Variants in RSAD1 observed in about 807,000 individuals in gnomAD.
RSAD1 encodes the protein radical S-adenosyl methionine domain-containing protein 1, mitochondrial.
A neutral mutation model predicts 46.2 loss-of-function variants in RSAD1; 34 were observed. The observed-to-expected ratio is 0.74, with a 90% CI of 0.56 to 0.98. The LOEUF is 0.98. Among genes scored for constraint, RSAD1 ranks in the 50% least tolerant of loss-of-function variants. The pLI is 0.00. For synonymous variants in RSAD1, 260 were observed against 253.5 expected (o/e 1.03, Z -0.24); for missense variants, 635 against 592.3 (o/e 1.07, Z -0.75).
Position 50,479,779 on chromosome 17 carries a change from G to A in RSAD1, c.269+17G>A. 1 of 1,596,754 alleles carries A rather than the reference G, an allele frequency of 6.3e-7. No individual in the cohort carries two copies. The highest frequency in any genetic ancestry group is 1.3e-5 in the African/African-American group (1 of 74,736). ...GGTGCAACGGTGGGTAGTGGGGGCT[G>A]TAGGCAGCGTTTTGGGAAATATTTG... is the stretch of plus-strand genomic sequence containing the variant. On this transcript the variant is annotated intron_variant, in intron 2 of 8. Coordinates refer to ENST00000258955, the MANE Select transcript of RSAD1 (RefSeq NM_018346.3).
intron 6 of RSAD1, 75 bp downstream of exon 6, chr17:50,483,562 A>T: frequency 5.0e-6 from 8 of 1,590,462 alleles, no homozygotes; most frequent in Non-Finnish European, 6.9e-6. Flanking sequence ...TATATCTTTT[A>T]TTTCCTGTCT....
chr17:50,481,600 A>G (rs1490673372), intron 3 of RSAD1, among the ~76,000 whole-genome samples: 1 of 152,266 alleles, frequency 6.6e-6, no homozygotes, highest in Non-Finnish European at 1.5e-5. Context: ...ATTTACTGTT[A>G]AATGATTCAG....
At position 50,484,528 on chromosome 17, in the gene RSAD1, A is replaced by G. The variant is rs528703684; in HGVS notation, c.1194A>G (p.Leu398=). The change falls in exon 8 of 9, where the codon CTA becomes CTG. Residue 398 remains leucine, a synonymous_variant. Coordinates refer to ENST00000258955, the MANE Select transcript of RSAD1 (RefSeq NM_018346.3). ...TGCAGGAGCTGCTGGAGCGGGGCCT[A>G]CTGCAGCTGGATCACAGGTGTGTTG... ...KEVQELLERG[L]LQLDHRGLRC... is the part of the protein sequence containing the mutation. 5 of 1,613,282 alleles carry G rather than the reference A, an allele frequency of 3.1e-6. No individual in the cohort carries two copies. In the African/African-American group the frequency reaches 5.3e-5, roughly 17 times the overall value.
At chr17:50,483,830 A>ACCCC (rs372835055) in intron 7 of RSAD1, 70 bp downstream of exon 7, 1 of 1,348,820 alleles carries the variant, frequency 7.4e-7, no homozygotes, top group African/African-American at 1.6e-5. Context: ...CCTCCCTGCC[A>ACCCC]CCCCCCCCAC....
chr17:50,480,155 A>G, intron 3 of RSAD1, 71 bp downstream of exon 3: 5 of 1,509,580 alleles, frequency 3.3e-6, no homozygotes, highest in Non-Finnish European at 4.6e-6. Flanking sequence ...GGTCACATTC[A>G]TTCATTGGGC....
rs374609288 is a variant in RSAD1 at position 50,483,725 on chromosome 17, C to G, written c.1072C>G (p.Leu358Val). 1.4e-4 allele frequency: 221 copies of G among 1,613,106 alleles called. No individual in the cohort carries two copies. Among genetic ancestry groups the G allele is most frequent in the Non-Finnish European group, 1.8e-4 (210 of 1,179,784 alleles). Residue 358 changes from leucine to valine, a missense_variant, in exon 7 of 9, where the codon CTG (leucine) becomes GTG (valine). Leu to Val is a conservative substitution (Grantham distance 32, BLOSUM62 1). Coordinates refer to ENST00000258955, the MANE Select transcript of RSAD1 (RefSeq NM_018346.3). The part of the protein sequence containing the change: ...RLELLEEVLA[L>V]GLRTDVGITH... The stretch of plus-strand genomic sequence containing the variant: ...TTTGAGGCTGGAGGAAGTTTTGGCC[C>G]TGGGGCTACGCACCGATGTGGGGAT...
chr17:50,479,600 C>T (rs746931679), intron 1 of RSAD1, 29 bp from the exon 2 acceptor site: 3 of 1,612,664 alleles, frequency 1.9e-6, no homozygotes, highest in South Asian at 1.1e-5. Context: ...GGGCAGCTCT[C>T]ACCGCGCACG....
In RSAD1 at chr17:50,484,954, C is replaced by T; in HGVS notation, c.*93C>T. ...TCTCTTCTCCGTTGTCGGGTGCCGT[C>T]TCTGCTCCTTGTGGTTATTGCTCAG... On this transcript the variant is annotated 3_prime_UTR_variant, in exon 9 of 9. Coordinates refer to ENST00000258955, the MANE Select transcript of RSAD1 (RefSeq NM_018346.3). 1 of 1,001,192 alleles carries T rather than the reference C, an allele frequency of 1.0e-6. No individual in the cohort carries two copies. Among genetic ancestry groups the T allele is most frequent in the Non-Finnish European group, 1.6e-6 (1 of 644,550 alleles). The allele number at this position is 1,001,192 out of a possible 1,614,324, so 62.0% of individuals were successfully genotyped here. A position where few individuals can be genotyped will look rare whatever the true frequency, so the allele number is the denominator to read the frequency against.
intron 3 of RSAD1, among the ~76,000 whole-genome samples, chr17:50,481,619 CAG>C (rs2033380807): frequency 6.6e-6 from 1 of 152,124 alleles, no homozygotes; most frequent in Non-Finnish European, 1.5e-5. Context: ...AGCATAATAA[CAG>C]GTATGTATGT....
intron 8 of RSAD1, 34 bp from the exon 9 acceptor site, chr17:50,484,710 G>A (rs2033429897): frequency 6.3e-7 from 1 of 1,592,622 alleles, no homozygotes; most frequent in Non-Finnish European, 8.6e-7. Context: ...TTGGTAAGAT[G>A]AAGTAGTCAC....
intron 6 of RSAD1, 103 bp from the exon 7 acceptor site, chr17:50,483,603 A>G (rs1670894511): frequency 5.7e-6 from 9 of 1,591,230 alleles, no homozygotes; most frequent in African/African-American, 1.3e-5. Flanking sequence ...CACATACTGT[A>G]TGGTCCCTGT....
At position 50,480,069 on chromosome 17, in the gene RSAD1, G is replaced by A; in HGVS notation, c.459G>A (p.Leu153=). The change falls in exon 3 of 9, where the codon TTG becomes TTA. Residue 153 remains leucine (L), a synonymous_variant. Coordinates refer to ENST00000258955, the MANE Select transcript of RSAD1 (RefSeq NM_018346.3). ...TCGGGGCAGCAGGGGTTAACAGGTT[G>A]TCTATAGGCCTCCAGGTAACCCATG... is the stretch of plus-strand genomic sequence containing the variant. ...AEFGAAGVNR[L]SIGLQSLDDT... The A allele has an allele frequency of 6.2e-7, 1 of 1,614,046 alleles. No individual in the cohort carries two copies. The highest frequency in any genetic ancestry group is 8.5e-7 in the Non-Finnish European group (1 of 1,180,036).
At chr17:50,483,311 A>G in intron 5 of RSAD1, 29 bp from the exon 6 acceptor site, 1 of 1,609,190 alleles carries the variant, frequency 6.2e-7, no homozygotes, top group Non-Finnish European at 8.5e-7. Flanking sequence ...AACAGCCATT[A>G]ATGTGGGGAT....
intron 3 of RSAD1, chr17:50,480,603 C>T (rs939971144): frequency 5.9e-6 from 1 of 168,828 alleles, no homozygotes; most frequent in Non-Finnish European, 1.3e-5. Flanking sequence ...GTGAGTCATT[C>T]CTTGTGATTG....
intron 7 of RSAD1, 59 bp downstream of exon 7, chr17:50,483,819 C>G: frequency 6.8e-7 from 1 of 1,476,160 alleles, no homozygotes; most frequent in Non-Finnish European, 9.2e-7. Flanking sequence ...AATCAATGCC[C>G]CCTCCCTGCC....
Position 50,483,773 on chromosome 17 carries a change from G to C in RSAD1, c.1107+13G>C, listed in dbSNP as rs370289569. ...GATCACTCACCAGGTAAGGAGTTAG[G>C]ATTCTTGCACACCACTCCCTCCTAA... On this transcript the variant is annotated intron_variant, in intron 7 of 8. Transcript: ENST00000258955. 1.6e-5 allele frequency: 26 copies of C among 1,601,746 alleles called. No individual in the cohort carries two copies. The African/African-American group carries it at 3.5e-4, about 22-fold the overall frequency.
rs753566374 is a variant in RSAD1 at position 50,482,239 on chromosome 17, G to C, written c.623G>C (p.Trp208Ser). Reference protein sequence around the residue: ...LGLPAQQVGPWLGQLQELLHH... With the variant: ...LGLPAQQVGPSLGQLQELLHH... ...CTGCCGGCACAGCAGGTGGGGCCGT[G>C]GCTTGGGCAGCTGCAGGAACTGCTG... Residue 208 changes from tryptophan to serine, a missense_variant, in exon 4 of 9, where the codon TGG becomes TCG. Transcript: ENST00000258955. 1 of 1,570,672 alleles carries C rather than the reference G, an allele frequency of 6.4e-7. No homozygotes were observed. Among genetic ancestry groups the C allele is most frequent in the Non-Finnish European group, 8.7e-7 (1 of 1,154,206 alleles).
chr17:50,479,120 C>T (rs1270629776), intron 1 of RSAD1, 101 bp downstream of exon 1: 2 of 1,208,806 alleles, frequency 1.7e-6, no homozygotes, highest in Middle Eastern at 2.9e-4. Flanking sequence ...TCTATGAACC[C>T]GCCTGCCGTG....
In RSAD1 at chr17:50,479,613, C is replaced by A. The variant is rs1449804593; in HGVS notation, c.136-16C>A. The stretch of plus-strand genomic sequence containing the variant: ...CAGGGCAGCTCTCACCGCGCACGTG[C>A]ACTCACTGCCCCCAGTGGCCTTACT... On this transcript the variant is annotated splice_polypyrimidine_tract_variant and intron_variant, in intron 1 of 8. Coordinates refer to ENST00000258955, the MANE Select transcript of RSAD1 (RefSeq NM_018346.3). 6.2e-7 allele frequency: 1 copy of A among 1,613,194 alleles called. No homozygotes were observed.
Sources: allele counts gnomAD v4.1 joint callset (sites outside exome capture counted in the v4.1 genomes callset), GRCh38; gene constraint gnomAD v4.1.1; transcripts MANE v1.5; gene names NCBI Gene and HGNC (gene_info 2026-07-23, HGNC 2026-07-21).